The following DAPK2 variants were observed in gnomAD, a reference collection of about 807,000 sequenced individuals.
The protein encoded by DAPK2 is death-associated protein kinase 2.
In DAPK2, 35 loss-of-function variants were observed where a neutral mutation model predicts 44.1. The observed-to-expected ratio is 0.79, with a 90% CI of 0.61 to 1.05. DAPK2 has a LOEUF of 1.05. DAPK2 is among the 50% of genes least tolerant of loss of function. The probability of loss-of-function intolerance (pLI) is 0.00; values close to 1 mark genes in which losing one functional copy is unlikely to be tolerated. For synonymous variants in DAPK2, 174 were observed against 182.6 expected (o/e 0.95, Z 0.38); for missense variants, 453 against 483.2 (o/e 0.94, Z 0.59).
In DAPK2 at chr15:63,923,432, C is replaced by A; in HGVS notation, c.858+1384G>T. 1 of 1,473,128 alleles carries A rather than the reference C, an allele frequency of 6.8e-7. No individual in the cohort carries two copies. The allele number at this position is 1,473,128 out of a possible 1,614,324, so 91.3% of individuals were successfully genotyped here. ...AAAGGGTAGGCAGAAGGCACACAAG[C>A]GGCCTCTGGCATTCACTGCATGCGT... is the stretch of plus-strand genomic sequence containing the variant. On this transcript the variant is annotated intron_variant, in intron 8 of 10. Transcript: ENST00000261891. This position sits in a 1 kb window ranked among gnomAD's most constrained non-coding sequence, Gnocchi z 4.2.
chr15:64,021,922 T>C, intron 1 of DAPK2, among the ~76,000 whole-genome samples: 1 of 152,108 alleles, frequency 6.6e-6, no homozygotes. Context: ...GGAGGTAAGT[T>C]TGGACAGCAG....
intron 2 of DAPK2, among the ~76,000 whole-genome samples, chr15:63,974,820 T>A (rs2078300784): frequency 6.6e-6 from 1 of 152,216 alleles, no homozygotes; most frequent in Non-Finnish European, 1.5e-5. Flanking sequence ...TACTTCTATT[T>A]CTTTCAGGGC....
intron 2 of DAPK2, among the ~76,000 whole-genome samples, chr15:63,978,483 G>C (rs2140813530): frequency 6.6e-6 from 1 of 152,264 alleles, no homozygotes; most frequent in Admixed American, 6.5e-5. Flanking sequence ...GTGAGATATG[G>C]GCAGGAGACC....
chr15:63,991,371 C>G (rs1351417309), intron 1 of DAPK2: 1 of 455,632 alleles, frequency 2.2e-6, no homozygotes, highest in African/African-American at 2.0e-5. Flanking sequence ...GAAGAGGGCA[C>G]AGGGCTGCCT....
intron 4 of DAPK2, among the ~76,000 whole-genome samples, chr15:63,938,762 C>A (rs2140445328): frequency 6.6e-6 from 1 of 152,302 alleles, no homozygotes; most frequent in Middle Eastern, 3.4e-3. Flanking sequence ...GAGCTGGGCA[C>A]CCCCATGCAT....
intron 1 of DAPK2, 43 bp downstream of exon 2, chr15:64,040,125 CTT>C (rs2080314094): frequency 6.7e-7 from 1 of 1,495,796 alleles, no homozygotes; most frequent in African/African-American, 1.4e-5. Flanking sequence ...AGAAGCATGA[CTT>C]TGGCTCCCTC....
intron 3 of DAPK2, among the ~76,000 whole-genome samples, chr15:63,967,731 G>A (rs1008653983): frequency 1.3e-5 from 2 of 152,180 alleles, no homozygotes; most frequent in Non-Finnish European, 2.9e-5. Flanking sequence ...TCCCTGCAAC[G>A]AGGCTAGGAG....
At position 63,912,767 on chromosome 15, in the gene DAPK2, G is replaced by A; in HGVS notation, c.859-570C>T. 6.6e-6 allele frequency among the ~76,000 whole-genome samples: 1 copy of A among 152,172 alleles called. No individual in the cohort carries two copies. The highest frequency in any genetic ancestry group is 1.9e-4 in the East Asian group (1 of 5,200). On this transcript the variant is annotated intron_variant, in intron 8 of 10. Transcript: ENST00000261891. This position sits in a 1 kb window ranked among gnomAD's most constrained non-coding sequence, Gnocchi z 4.4. ...TCTCTGAGCCTCAGTTTCCCCATCT[G>A]TAATATGGGGATAATAATATCATGT... is the stretch of plus-strand genomic sequence containing the variant.
At chr15:63,985,479 T>A (rs556843950) in intron 1 of DAPK2, among the ~76,000 whole-genome samples, 1 of 152,238 alleles carries the variant, frequency 6.6e-6, no homozygotes, top group South Asian at 2.1e-4. Flanking sequence ...AGTCTCAGTG[T>A]CAAGGCAGCC....
chr15:63,927,391 C>T (rs991909464), intron 6 of DAPK2, among the ~76,000 whole-genome samples: 9 of 152,228 alleles, frequency 5.9e-5, no homozygotes, highest in Non-Finnish European at 8.8e-5. Flanking sequence ...CCCTCCTCCA[C>T]CCACAGAATT....
intron 1 of DAPK2, among the ~76,000 whole-genome samples, chr15:64,009,515 C>T (rs939733568): frequency 2.0e-5 from 3 of 152,072 alleles, no homozygotes; most frequent in African/African-American, 7.2e-5. Context: ...TGCTTCCCAG[C>T]AGACACACCC....
At chr15:63,988,495 A>G (rs949327245) in intron 1 of DAPK2, among the ~76,000 whole-genome samples, 1 of 150,096 alleles carries the variant, frequency 6.7e-6, no homozygotes, top group Non-Finnish European at 1.5e-5. Flanking sequence ...CAACATTTAC[A>G]TCCAGCTTTT....
At chr15:63,971,951 C>T (rs2078225602) in intron 2 of DAPK2, among the ~76,000 whole-genome samples, 1 of 152,192 alleles carries the variant, frequency 6.6e-6, no homozygotes, top group Admixed American at 6.5e-5. Context: ...GAAATTCTAA[C>T]CCCCAAGGTG....
chr15:63,943,704 C>T (rs1378710196), intron 3 of DAPK2, among the ~76,000 whole-genome samples: 3 of 108,824 alleles, frequency 2.8e-5, no homozygotes, highest in Non-Finnish European at 3.9e-5. Context: ...GAAACCCCGA[C>T]TCTACTAAAA....
intron 3 of DAPK2, among the ~76,000 whole-genome samples, chr15:63,964,262 T>C (rs912486739): frequency 5.3e-5 from 8 of 152,216 alleles, no homozygotes; most frequent in African/African-American, 1.2e-4. Context: ...ACTTTAAATA[T>C]GTCATGCCAC....
At chr15:64,002,522 T>C (rs1377475279) in intron 1 of DAPK2, among the ~76,000 whole-genome samples, 1 of 152,248 alleles carries the variant, frequency 6.6e-6, no homozygotes, top group Non-Finnish European at 1.5e-5. Context: ...GATGGATAGA[T>C]GACCAACTGG....
chr15:63,959,366 C>T (rs1408176407), intron 3 of DAPK2, among the ~76,000 whole-genome samples: 1 of 152,160 alleles, frequency 6.6e-6, no homozygotes, highest in Non-Finnish European at 1.5e-5. Context: ...TGCCTGATTG[C>T]CCTGGCCAGA....
chr15:63,965,971 G>A (rs1323874793), intron 3 of DAPK2, among the ~76,000 whole-genome samples: 1 of 152,218 alleles, frequency 6.6e-6, no homozygotes, highest in Non-Finnish European at 1.5e-5. Flanking sequence ...TAGTACCTAT[G>A]TTGCAGGACA....
intron 1 of DAPK2, among the ~76,000 whole-genome samples, chr15:64,000,413 T>C (rs1213679552): frequency 6.6e-6 from 1 of 152,174 alleles, no homozygotes; most frequent in Non-Finnish European, 1.5e-5. Context: ...GATGTCACCA[T>C]CTACAGCAAA....
Sources: gnomAD v4.1 joint callset for allele counts (sites outside exome capture counted in the v4.1 genomes callset) on GRCh38, gnomAD v4.1.1 for gene constraint, Gnocchi (gnomAD v3.1) non-coding constraint, MANE v1.5 for transcripts, NCBI Gene and HGNC (gene_info 2026-07-23, HGNC 2026-07-21) for gene names.